The following SCHIP1 variants were observed in gnomAD, a reference collection of about 807,000 sequenced individuals.
SCHIP1 encodes schwannomin-interacting protein 1.
SCHIP1 carries 8 observed loss-of-function variants against 29.7 expected under a neutral mutation model. That is an observed-to-expected ratio of 0.27 (90% confidence interval 0.16 to 0.49). The LOEUF (loss-of-function observed/expected upper bound fraction) is 0.49. Ranked by LOEUF, SCHIP1 falls within the 20% of genes least tolerant of loss-of-function variation. SCHIP1 has a pLI of 0.99. For synonymous variants in SCHIP1, 76 were observed against 94.9 expected, an observed-to-expected ratio of 0.80 and a Z score of 1.16; for missense variants, 193 against 294.6, an observed-to-expected ratio of 0.66 and a Z score of 2.52.
At chr3:159,890,056 C>T (rs1717344624) in intron 5 of SCHIP1, among the ~76,000 whole-genome samples, 1 of 151,120 alleles carries the variant, frequency 6.6e-6, no homozygotes, top group Admixed American at 6.6e-5. Flanking sequence ...GATCTCGCCA[C>T]TGCACTCCAG....
At chr3:159,398,879 C>A in the SCHIP1 span, 2 of 682,638 alleles carry the variant, frequency 2.9e-6, no homozygotes, top group Non-Finnish European at 3.6e-6. Context: ...CCTTAGGACA[C>A]CCAAGTAGAA....
chr3:159,669,411 A>G, the SCHIP1 span, among the ~76,000 whole-genome samples: 1 of 152,240 alleles, frequency 6.6e-6, no homozygotes, highest in Non-Finnish European at 1.5e-5. Context: ...ACGTCACTAT[A>G]TAAACATCAT....
chr3:159,383,541 T>G, the SCHIP1 span, among the ~76,000 whole-genome samples: 11 of 150,700 alleles, frequency 7.3e-5, no homozygotes, highest in Non-Finnish European at 1.5e-4. Context: ...TCAGGTAGTG[T>G]GATGCCTCCA....
chr3:159,549,053 C>T, the SCHIP1 span, among the ~76,000 whole-genome samples: 1 of 152,118 alleles, frequency 6.6e-6, no homozygotes, highest in Non-Finnish European at 1.5e-5. Context: ...AGACCTTTAG[C>T]TTAGTTGAAC....
the SCHIP1 span, among the ~76,000 whole-genome samples, chr3:159,452,137 CTT>C: frequency 6.0e-3 from 846 of 142,006 alleles, 13 homozygotes; most frequent in African/African-American, 0.018. Flanking sequence ...AACATTTCTT[CTT>C]TTTTTTTTTT....
At chr3:159,368,215 T>C in the SCHIP1 span, among the ~76,000 whole-genome samples, 4 of 152,180 alleles carry the variant, frequency 2.6e-5, no homozygotes, top group Non-Finnish European at 5.9e-5. Context: ...TCTCATGGAC[T>C]CCCAATTACT....
At chr3:159,543,982 C>T in the SCHIP1 span, among the ~76,000 whole-genome samples, 1 of 151,960 alleles carries the variant, frequency 6.6e-6, no homozygotes, top group African/African-American at 2.4e-5. Flanking sequence ...ATAAAATGAA[C>T]ACAACCATGC....
the SCHIP1 span, among the ~76,000 whole-genome samples, chr3:159,383,073 C>T: frequency 7.8e-4 from 117 of 149,558 alleles, no homozygotes; most frequent in African/African-American, 2.2e-3. Flanking sequence ...TTCACTCTGA[C>T]GGTAGCTTCT....
the SCHIP1 span, among the ~76,000 whole-genome samples, chr3:159,363,171 A>G: frequency 3.3e-5 from 5 of 152,370 alleles, no homozygotes; most frequent in South Asian, 6.2e-4. Context: ...ACAAAAAGAA[A>G]CAGACACAAT....
chr3:159,279,252 A>G, the SCHIP1 span, among the ~76,000 whole-genome samples: 1 of 152,152 alleles, frequency 6.6e-6, no homozygotes, highest in African/African-American at 2.4e-5. Flanking sequence ...TGATGGTTTT[A>G]TAAAGGGCAG....
At chr3:159,804,148 A>C in the SCHIP1 span, among the ~76,000 whole-genome samples, 1 of 152,206 alleles carries the variant, frequency 6.6e-6, no homozygotes, top group Admixed American at 6.5e-5. Flanking sequence ...TCACCCTCTC[A>C]GTGATTCTTT....
At chr3:159,809,097 A>C in the SCHIP1 span, among the ~76,000 whole-genome samples, 30 of 150,014 alleles carry the variant, frequency 2.0e-4, no homozygotes, top group African/African-American at 6.9e-4. Flanking sequence ...TCAACTCATC[A>C]TTTACATTAG....
At chr3:159,641,071 A>T in the SCHIP1 span, among the ~76,000 whole-genome samples, 9 of 152,116 alleles carry the variant, frequency 5.9e-5, no homozygotes, top group Admixed American at 5.2e-4. Flanking sequence ...ATTCTCATAA[A>T]TTTTTTTAGG....
chr3:159,634,196 T>C, the SCHIP1 span, among the ~76,000 whole-genome samples: 378 of 152,258 alleles, frequency 2.5e-3, 3 homozygotes, highest in African/African-American at 8.4e-3. Flanking sequence ...AGATGCTAGT[T>C]AGAAATGCAG....
the SCHIP1 span, among the ~76,000 whole-genome samples, chr3:159,381,829 C>T: frequency 6.6e-6 from 1 of 152,126 alleles, no homozygotes; most frequent in Non-Finnish European, 1.5e-5. Flanking sequence ...CTCTTGGTCT[C>T]TCAAGTGATC....
At chr3:159,756,028 C>A in the SCHIP1 span, among the ~76,000 whole-genome samples, 1 of 152,206 alleles carries the variant, frequency 6.6e-6, no homozygotes, top group Non-Finnish European at 1.5e-5. Flanking sequence ...GTGTCTGTGG[C>A]TTTTCCAGGT....
the SCHIP1 span, among the ~76,000 whole-genome samples, chr3:159,321,952 T>C: frequency 6.6e-6 from 1 of 152,246 alleles, no homozygotes; most frequent in South Asian, 2.1e-4. Context: ...CATGAGTTAC[T>C]TTTTCTAAGC....
At chr3:159,729,167 AAAAAG>A in the SCHIP1 span, among the ~76,000 whole-genome samples, 1 of 152,092 alleles carries the variant, frequency 6.6e-6, no homozygotes, top group Non-Finnish European at 1.5e-5. Flanking sequence ...AAGAAAAGAA[AAAAAG>A]AAAAGAAAAG....
the SCHIP1 span, chr3:159,273,356 C>G: frequency 1.0e-6 from 1 of 994,238 alleles, no homozygotes; most frequent in Middle Eastern, 5.2e-4. Flanking sequence ...GTGTGCAGTG[C>G]CTTGTGGAAT....
Sources: allele counts gnomAD v4.1 joint callset (sites outside exome capture counted in the v4.1 genomes callset), GRCh38; gene constraint gnomAD v4.1.1; transcripts MANE v1.5; gene names NCBI Gene and HGNC (gene_info 2026-07-23, HGNC 2026-07-21).